SCFD1: variants seen among roughly 807,000 people sequenced by gnomAD.
SCFD1 encodes sec1 family domain containing 1.
In SCFD1, 37 loss-of-function variants were observed where a neutral mutation model predicts 103.2. The ratio of observed to expected loss-of-function variants is 0.36; its 90% confidence interval spans 0.28 to 0.47. SCFD1 has a LOEUF of 0.47. Among genes scored for constraint, SCFD1 ranks in the 20% least tolerant of loss-of-function variants. The pLI is 1.00. For missense variants in SCFD1, 639 were observed against 761.2 expected, an observed-to-expected ratio of 0.84 and a Z score of 1.89; for synonymous variants, 264 against 245.0, an observed-to-expected ratio of 1.08 and a Z score of -0.73.
chr14:30,667,315 T>A (rs1888076817), intron 10 of SCFD1, among the ~76,000 whole-genome samples: 1 of 152,238 alleles, frequency 6.6e-6, no homozygotes, highest in Non-Finnish European at 1.5e-5. Context: ...CACATGATTA[T>A]CTCAATAGAT....
intron 23 of SCFD1, among the ~76,000 whole-genome samples, chr14:30,730,764 G>A (rs1893398945): frequency 6.6e-6 from 1 of 152,168 alleles, no homozygotes; most frequent in Non-Finnish European, 1.5e-5. Flanking sequence ...TTTGTCAGAT[G>A]AGTAGATTGC....
chr14:30,638,566 A>T lies in SCFD1; in HGVS notation c.435+319A>T, dbSNP rs557486089. Among the ~76,000 whole-genome samples the T allele has an allele frequency of 5.9e-5, 9 of 152,302 alleles. No homozygotes were observed. In the South Asian group the frequency reaches 1.2e-3, roughly 21 times the overall value. ...ATCATTTGACAGTTGTATTGTCATA[A>T]ACTGTATTGAAAGTATGTTGACATT... On this transcript the variant is annotated intron_variant, in intron 5 of 24. Transcript: ENST00000458591.
chr14:30,663,530 A>G (rs1887634223), intron 10 of SCFD1, among the ~76,000 whole-genome samples: 1 of 152,200 alleles, frequency 6.6e-6, no homozygotes, highest in African/African-American at 2.4e-5. Context: ...TTCTTGCCCT[A>G]TGATAATATG....
In SCFD1 at chr14:30,727,215, T is replaced by C. The variant is rs117542472; in HGVS notation, c.1836+4656T>C. Reference sequence around the variant, plus strand: ...TTAGAGCACATGTTACTATGAGTAGTTGGAAATGCAGCAGTTATTTTATGT... The same window carrying C: ...TTAGAGCACATGTTACTATGAGTAGCTGGAAATGCAGCAGTTATTTTATGT... On this transcript the variant is annotated intron_variant, in intron 23 of 24. Transcript: ENST00000458591. 2.0e-3 allele frequency among the ~76,000 whole-genome samples: 301 copies of C among 152,332 alleles called. 2 individuals carry two copies. The highest frequency in any genetic ancestry group is 3.4e-3 in the Middle Eastern group (1 of 294).
At chr14:30,735,520 ATGTTTGAATGTTTCT>A in intron 24 of SCFD1, 51 bp from the exon 25 acceptor site, 1 of 1,098,680 alleles carries the variant, frequency 9.1e-7, no homozygotes, top group South Asian at 1.3e-5. Flanking sequence ...GTTTACAAAT[ATGTTTGAATGTTTCT>A]TTTATGATCT....
At chr14:30,730,686 CCCA>C (rs1237893976) in intron 23 of SCFD1, among the ~76,000 whole-genome samples, 5 of 152,190 alleles carry the variant, frequency 3.3e-5, no homozygotes, top group Non-Finnish European at 7.3e-5. Flanking sequence ...ATATCCTTCG[CCCA>C]CTTTTTGATG....
At chr14:30,669,918 G>C in intron 10 of SCFD1, 1 of 179,922 alleles carries the variant, frequency 5.6e-6, no homozygotes, top group Non-Finnish European at 1.1e-5. Flanking sequence ...TGTATTATTA[G>C]ATGAAAAAAG....
chr14:30,637,993 CTTGGGATACTTTTT>C (rs1382895199), intron 4 of SCFD1, 118 bp from the exon 5 acceptor site: 2 of 1,208,130 alleles, frequency 1.7e-6, no homozygotes, highest in Non-Finnish European at 2.2e-6. Context: ...GGTTTTTTCT[CTTGGGATACTTTTT>C]TTGATTGTCA....
chr14:30,691,525 ACTTCACTC>A (rs1490570796), intron 14 of SCFD1, among the ~76,000 whole-genome samples: 1 of 152,174 alleles, frequency 6.6e-6, no homozygotes, highest in Non-Finnish European at 1.5e-5. Context: ...TCTGTATAGC[ACTTCACTC>A]CTTTTCCTCT....
At chr14:30,643,203 C>A in intron 6 of SCFD1, 113 bp from the exon 7 acceptor site, 3 of 788,702 alleles carry the variant, frequency 3.8e-6, no homozygotes, top group Non-Finnish European at 6.5e-6. Context: ...AAAAATTTCA[C>A]TTGCTGAGTT....
At chr14:30,733,288 A>G (rs1224520062) in intron 23 of SCFD1, among the ~76,000 whole-genome samples, 1 of 152,160 alleles carries the variant, frequency 6.6e-6, no homozygotes, top group Non-Finnish European at 1.5e-5. Flanking sequence ...GATTACAGGC[A>G]TGAGCCACTG....
chr14:30,673,630 A>G (rs1384201990), intron 12 of SCFD1, among the ~76,000 whole-genome samples: 1 of 152,124 alleles, frequency 6.6e-6, no homozygotes, highest in Non-Finnish European at 1.5e-5. Flanking sequence ...TTTCAGCTCT[A>G]CTGTTTATTG....
Position 30,628,214 on chromosome 14 carries a change from T to A in SCFD1, c.67T>A (p.Leu23Met). Residue 23 changes from leucine to methionine, a missense_variant, in exon 2 of 25, where the codon TTG becomes ATG. Physicochemically the swap from Leu to Met is conservative, Grantham distance 15. Coordinates refer to ENST00000458591, the MANE Select transcript of SCFD1 (RefSeq NM_016106.4). ...ATAAAACTTTTTATTTTCAGTGGCTTTGAAGCGTATGTTGAATTTCAATGT... is the reference window on the plus strand; with the variant it reads ...ATAAAACTTTTTATTTTCAGTGGCTATGAAGCGTATGTTGAATTTCAATGT... ...ASIRERQTVALKRMLNFNVPH... is the reference protein window; with the variant it reads ...ASIRERQTVAMKRMLNFNVPH... The A allele has an allele frequency of 6.2e-7, 1 of 1,608,980 alleles. No homozygotes were observed. The highest frequency in any genetic ancestry group is 8.5e-7 in the Non-Finnish European group (1 of 1,176,364).
At chr14:30,699,661 CAT>C (rs770644624) in intron 15 of SCFD1, among the ~76,000 whole-genome samples, 40 of 152,150 alleles carry the variant, frequency 2.6e-4, no homozygotes, top group Non-Finnish European at 4.4e-4. Context: ...CCTTCAGAAA[CAT>C]GTGTATTTAG....
intron 10 of SCFD1, among the ~76,000 whole-genome samples, chr14:30,662,947 T>C (rs557397190): frequency 6.6e-6 from 1 of 152,200 alleles, no homozygotes; most frequent in African/African-American, 2.4e-5. Flanking sequence ...GGAAACAGAT[T>C]AGACTCTATC....
At position 30,646,787 on chromosome 14, in the gene SCFD1, C is replaced by T. The variant is rs1045025060; in HGVS notation, c.614-2741C>T. ...GTTCATAGATTTTTTATTACTGATT[C>T]AGTTTTGGAATTTGTTATTCCAGAA... On this transcript the variant is annotated intron_variant, in intron 7 of 24. Coordinates refer to ENST00000458591, the MANE Select transcript of SCFD1 (RefSeq NM_016106.4). 5.9e-5 allele frequency among the ~76,000 whole-genome samples: 9 copies of T among 152,096 alleles called. No individual in the cohort carries two copies. The South Asian group carries it at 1.9e-3, about 32-fold the overall frequency.
In SCFD1 at chr14:30,622,324, C is replaced by G. The variant is rs989689760; in HGVS notation, c.-15C>G. 1 of 1,586,298 alleles carries G rather than the reference C, an allele frequency of 6.3e-7. No homozygotes were observed. The highest frequency in any genetic ancestry group is 1.3e-5 in the African/African-American group (1 of 74,354). Reference sequence around the variant, plus strand: ...GCTCCGCTCCCCAGCCGGGCAGTGGCTCGTGGGAGCCAAGATGGCGGCGGC... The same window carrying G: ...GCTCCGCTCCCCAGCCGGGCAGTGGGTCGTGGGAGCCAAGATGGCGGCGGC... On this transcript the variant is annotated 5_prime_UTR_variant, in exon 1 of 25. Transcript: ENST00000458591.
In SCFD1 at chr14:30,650,630, A is replaced by C; in HGVS notation, c.735A>C (p.Thr245=). ...GAAACAGTCTTTTTACAGGTGATACACTTGGAGCTGGCCAATTCAGGTATT... is the reference window on the plus strand; with the variant it reads ...GAAACAGTCTTTTTACAGGTGATACCCTTGGAGCTGGCCAATTCAGGTATT... ...DARNSLFTGD[T]LGAGQFSFQR... The change falls in exon 9 of 25, where the codon ACA becomes ACC. Residue 245 remains threonine (T), a synonymous_variant. Coordinates refer to ENST00000458591, the MANE Select transcript of SCFD1 (RefSeq NM_016106.4). 1.9e-6 allele frequency: 3 copies of C among 1,604,210 alleles called. No individual in the cohort carries two copies. The highest frequency in any genetic ancestry group is 2.6e-6 in the Non-Finnish European group (3 of 1,171,646).
At chr14:30,726,439 A>T (rs973333975) in intron 23 of SCFD1, among the ~76,000 whole-genome samples, 3 of 152,188 alleles carry the variant, frequency 2.0e-5, no homozygotes, top group Non-Finnish European at 2.9e-5. Flanking sequence ...TGTTCATATG[A>T]ACCTCACCAA....
Sources: gnomAD v4.1 joint callset for allele counts (sites outside exome capture counted in the v4.1 genomes callset) on GRCh38, gnomAD v4.1.1 for gene constraint, MANE v1.5 for transcripts, NCBI Gene and HGNC (gene_info 2026-07-23, HGNC 2026-07-21) for gene names.